Variants in SPTBN1 observed in about 807,000 individuals in gnomAD.
SPTBN1 encodes spectrin beta chain, non-erythrocytic 1.
SPTBN1 carries 32 observed loss-of-function variants against 266.4 expected under a neutral mutation model. The ratio of observed to expected loss-of-function variants is 0.12; its 90% confidence interval spans 0.09 to 0.16. SPTBN1 has a LOEUF of 0.16. Ranked by LOEUF, SPTBN1 falls within the 10% of genes least tolerant of loss-of-function variation. The pLI, the probability that SPTBN1 is intolerant of heterozygous loss-of-function variation, is 1.00. For synonymous variants in SPTBN1, 1,336 were observed against 1,162.2 expected, an observed-to-expected ratio of 1.15 and a Z score of -3.04; for missense variants, 2,296 against 3,067.1, an observed-to-expected ratio of 0.75 and a Z score of 5.94.
chr2:54,650,041 C>T, intron 26 of SPTBN1, 52 bp downstream of exon 26: 6 of 1,538,554 alleles, frequency 3.9e-6, no homozygotes, highest in Non-Finnish European at 5.2e-6. Context: ...CTCCATAGAA[C>T]ATCTTTGGGC....
In SPTBN1 at chr2:54,629,276, G is replaced by C. The variant is rs767562439; in HGVS notation, c.2142G>C (p.Lys714Asn). The C allele has an allele frequency of 6.2e-7, 1 of 1,613,974 alleles. No individual in the cohort carries two copies. Among genetic ancestry groups the C allele is most frequent in the Non-Finnish European group, 8.5e-7 (1 of 1,180,058 alleles). ...CGGAGGAGCACTTCGGGTCGGAGAA[G>C]ATCCGTGAGAGGATCATTTACATCC... is the stretch of plus-strand genomic sequence containing the variant. ...MIAEEHFGSE[K>N]IRERIIYIRE... Residue 714 changes from lysine (K) to asparagine (N), a missense_variant, in exon 14 of 36, where the codon AAG becomes AAC. Around this residue, in one of 12 missense-constraint regions of SPTBN1, gnomAD observed 434 missense variants for 573.9 expected, o/e 0.76. Coordinates refer to ENST00000356805, the MANE Select transcript of SPTBN1 (RefSeq NM_003128.3).
chr2:54,609,690 C>T (rs1331047769), intron 3 of SPTBN1, among the ~76,000 whole-genome samples: 3 of 152,046 alleles, frequency 2.0e-5, no homozygotes, highest in Non-Finnish European at 4.4e-5. Context: ...CAGTGTTGAA[C>T]TCATGGGGTT....
chr2:54,568,535 G>A (rs1023688396), intron 2 of SPTBN1, among the ~76,000 whole-genome samples: 1 of 151,992 alleles, frequency 6.6e-6, no homozygotes, highest in Admixed American at 6.5e-5. Flanking sequence ...GTTAATTAAA[G>A]GAAGTTTAGT....
intron 2 of SPTBN1, among the ~76,000 whole-genome samples, chr2:54,596,252 G>A (rs1274743078): frequency 1.3e-5 from 2 of 152,216 alleles, no homozygotes; most frequent in African/African-American, 4.8e-5. Flanking sequence ...GAGTGCAGGG[G>A]TGATGTCATT....
At chr2:54,519,422 G>A (rs1484339832) in intron 1 of SPTBN1, among the ~76,000 whole-genome samples, 1 of 152,214 alleles carries the variant, frequency 6.6e-6, no homozygotes, top group East Asian at 1.9e-4. Flanking sequence ...CCAGGTGGTG[G>A]TGGTGGTGAG....
At chr2:54,467,663 G>A (rs1693709772) in intron 1 of SPTBN1, among the ~76,000 whole-genome samples, 1 of 152,154 alleles carries the variant, frequency 6.6e-6, no homozygotes, top group African/African-American at 2.4e-5. Flanking sequence ...GGGATTACAG[G>A]CGTGAGCCAC....
intron 1 of SPTBN1, among the ~76,000 whole-genome samples, chr2:54,495,164 A>C (rs1032148451): frequency 1.1e-5 from 1 of 95,064 alleles, no homozygotes; most frequent in Non-Finnish European, 2.7e-5. Context: ...GAATCATAGG[A>C]GGTTGCAGGT....
intron 1 of SPTBN1, among the ~76,000 whole-genome samples, chr2:54,457,718 G>T (rs1467988163): frequency 2.0e-5 from 3 of 152,232 alleles, no homozygotes; most frequent in Admixed American, 2.0e-4. Flanking sequence ...CAGGCCCGGG[G>T]CTGCCCTTGG....
At chr2:54,625,228 A>G (rs955158472) in intron 11 of SPTBN1, among the ~76,000 whole-genome samples, 19 of 152,224 alleles carry the variant, frequency 1.2e-4, no homozygotes, top group African/African-American at 4.1e-4. Flanking sequence ...GTTCACATTT[A>G]TAAGTTTTAA....
chr2:54,633,573 A>G (rs538248619), intron 17 of SPTBN1, among the ~76,000 whole-genome samples: 1 of 152,264 alleles, frequency 6.6e-6, no homozygotes, highest in South Asian at 2.1e-4. Flanking sequence ...CAGGGGTTGG[A>G]TGCACTAGCA....
At position 54,526,490 on chromosome 2, in the gene SPTBN1, C is replaced by T. The variant is rs1670824928; in HGVS notation, c.72C>T (p.Arg24=). ...AGCAGTACAGTGATGTCAACAACCG[C>T]TGGGATGTCGACGACTGGGACAATG... ...IQQQYSDVNN[R]WDVDDWDNEN... is the part of the protein sequence containing the mutation. Residue 24 remains arginine (R), a synonymous_variant, in exon 2 of 36, where the codon CGC becomes CGT. Coordinates refer to ENST00000356805, the MANE Select transcript of SPTBN1 (RefSeq NM_003128.3). The T allele has an allele frequency of 1.2e-6, 2 of 1,614,072 alleles. No homozygotes were observed. Among genetic ancestry groups the T allele is most frequent in the African/African-American group, 1.3e-5 (1 of 74,916 alleles).
chr2:54,475,875 A>G (rs1667799318), intron 1 of SPTBN1, among the ~76,000 whole-genome samples: 1 of 152,216 alleles, frequency 6.6e-6, no homozygotes. Flanking sequence ...TTGATGCTTC[A>G]AATTAGTCCA....
intron 1 of SPTBN1, among the ~76,000 whole-genome samples, chr2:54,468,439 A>G (rs1318201493): frequency 6.6e-6 from 1 of 152,032 alleles, no homozygotes; most frequent in Non-Finnish European, 1.5e-5. Context: ...TCACACATAC[A>G]TATTAAGGGC....
At chr2:54,612,058 G>C (rs369747017) in intron 3 of SPTBN1, 103 bp from the exon 4 acceptor site, 5 of 1,116,950 alleles carry the variant, frequency 4.5e-6, no homozygotes, top group East Asian at 4.8e-5. Flanking sequence ...TGCTCTGAGC[G>C]GGAGAGCATT....
rs772848669 is a variant in SPTBN1 at position 54,644,289 on chromosome 2, G to A, written c.4006-34G>A. ...GTGACATTTTTTCTGTAGCAAACTTGTTTATTTACAACCATGTTGGTTTTG... is the reference window on the plus strand; with the variant it reads ...GTGACATTTTTTCTGTAGCAAACTTATTTATTTACAACCATGTTGGTTTTG... On this transcript the variant is annotated intron_variant, in intron 19 of 35. Coordinates refer to ENST00000356805, the MANE Select transcript of SPTBN1 (RefSeq NM_003128.3). The A allele has an allele frequency of 1.0e-5, 16 of 1,583,856 alleles. No homozygotes were observed. In the East Asian group the frequency reaches 3.6e-4, roughly 36 times the overall value.
Position 54,653,924 on chromosome 2 carries a change from A to T in SPTBN1, c.5822+71A>T. 6 of 1,570,746 alleles carry T rather than the reference A, an allele frequency of 3.8e-6. No individual in the cohort carries two copies. In the South Asian group the frequency reaches 7.2e-5, roughly 19 times the overall value. On this transcript the variant is annotated intron_variant, in intron 27 of 35. Transcript: ENST00000356805. This position sits in a 1 kb window ranked among gnomAD's most constrained non-coding sequence, Gnocchi z 5.1. Reference sequence around the variant, plus strand: ...TAAAACACAGGAGTCTTCCAGAGAGAAGCAGGAGCCTTGAAAGCGTTCCTG... The same window carrying T: ...TAAAACACAGGAGTCTTCCAGAGAGTAGCAGGAGCCTTGAAAGCGTTCCTG...
chr2:54,590,959 C>T (rs768899164), intron 2 of SPTBN1, among the ~76,000 whole-genome samples: 1 of 152,116 alleles, frequency 6.6e-6, no homozygotes, highest in South Asian at 2.1e-4. Context: ...GATTAGAATG[C>T]GGAGAGAGGC....
intron 31 of SPTBN1, 144 bp from the exon 32 acceptor site, chr2:54,659,792 A>G: frequency 6.9e-7 from 1 of 1,443,444 alleles, no homozygotes; most frequent in East Asian, 2.5e-5. Context: ...AACACTTGGA[A>G]GTTTCAGATT....
intron 2 of SPTBN1, among the ~76,000 whole-genome samples, chr2:54,542,504 T>TA (rs956345003): frequency 2.6e-5 from 4 of 152,246 alleles, no homozygotes; most frequent in African/African-American, 7.2e-5. Context: ...AACTTGGAGT[T>TA]ACGCTAGAAG....
Sources: allele counts gnomAD v4.1 joint callset (sites outside exome capture counted in the v4.1 genomes callset), GRCh38; gene constraint gnomAD v4.1.1; regional missense constraint gnomAD v4.1.1; non-coding constraint Gnocchi (gnomAD v3.1); transcripts MANE v1.5; gene names NCBI Gene and HGNC (gene_info 2026-07-23, HGNC 2026-07-21).